Variants in TTLL11 observed in about 807,000 individuals in gnomAD.
TTLL11 encodes tubulin tyrosine ligase like 11.
Under a neutral mutation model 51.7 loss-of-function variants are expected in TTLL11, and 42 were observed. That is an observed-to-expected ratio of 0.81 (90% CI 0.64 to 1.05). The LOEUF (loss-of-function observed/expected upper bound fraction) is 1.05. Among genes scored for constraint, TTLL11 ranks in the 50% least tolerant of loss-of-function variants. The pLI, the probability that TTLL11 is intolerant of heterozygous loss-of-function variation, is 0.00. For synonymous variants in TTLL11, 381 were observed against 383.5 expected, an observed-to-expected ratio of 0.99 and a Z score of 0.08; for missense variants, 799 against 940.4, an observed-to-expected ratio of 0.85 and a Z score of 1.97.
chr9:121,827,053 G>A (rs1051633101), intron 8 of TTLL11, among the ~76,000 whole-genome samples: 1 of 152,218 alleles, frequency 6.6e-6, no homozygotes, highest in Non-Finnish European at 1.5e-5. Context: ...CAAGGCCCGC[G>A]TGATCCGAGT....
intron 6 of TTLL11, among the ~76,000 whole-genome samples, chr9:121,968,108 C>T (rs547935255): frequency 6.6e-6 from 1 of 152,294 alleles, no homozygotes; most frequent in South Asian, 2.1e-4. Flanking sequence ...GAATTGTGCG[C>T]TTTTAAATGG....
intron 1 of TTLL11, among the ~76,000 whole-genome samples, chr9:122,079,479 A>G (rs1029946736): frequency 3.3e-5 from 5 of 152,070 alleles, no homozygotes; most frequent in Non-Finnish European, 7.4e-5. Flanking sequence ...TGGGAGGCTG[A>G]GGTGGGTGGA....
rs1447051422 is a variant in TTLL11, at chr9:121,886,226, C to T, written c.1482-15478G>A. On this transcript the variant is annotated intron_variant, in intron 6 of 8. Coordinates refer to ENST00000321582, the MANE Select transcript of TTLL11 (RefSeq NM_001139442.2). ...TGACTTTGGGGGAACCATTAGGTAA[C>T]AGCTGGAAGGCTGCAGTGGGCTGAA... Among the ~76,000 whole-genome samples, 4 of 152,206 alleles carry T rather than the reference C, an allele frequency of 2.6e-5. No individual in the cohort carries two copies. The East Asian group carries it at 7.7e-4, about 29-fold the overall frequency.
intron 6 of TTLL11, among the ~76,000 whole-genome samples, chr9:121,942,141 C>G (rs1841501167): frequency 6.6e-6 from 1 of 152,214 alleles, no homozygotes. Context: ...CATCATCTAC[C>G]ATTCCTGCTC....
At chr9:122,002,095 A>G (rs72765975) in intron 3 of TTLL11, among the ~76,000 whole-genome samples, 5,942 of 152,276 alleles carry the variant, frequency 0.039, 117 homozygotes, top group African/African-American at 0.059. Flanking sequence ...TTTCATTTCA[A>G]TGGCATCAGG....
chr9:121,841,917 C>T (rs1051014668), intron 8 of TTLL11, among the ~76,000 whole-genome samples: 3 of 152,080 alleles, frequency 2.0e-5, no homozygotes, highest in East Asian at 1.9e-4. Context: ...GAGAACCACT[C>T]GTCTCTCTAG....
intron 6 of TTLL11, among the ~76,000 whole-genome samples, chr9:121,906,609 C>G (rs1839957703): frequency 6.6e-6 from 1 of 151,202 alleles, no homozygotes; most frequent in Admixed American, 6.6e-5. Flanking sequence ...TTTTTTTAAT[C>G]TGCTAGTAAG....
intron 3 of TTLL11, among the ~76,000 whole-genome samples, chr9:122,018,851 G>A (rs1232604613): frequency 6.6e-6 from 1 of 152,206 alleles, no homozygotes; most frequent in Non-Finnish European, 1.5e-5. Context: ...GGCTTAGAAC[G>A]CTAAAGCGGG....
chr9:122,034,248 G>A (rs1443118608), intron 2 of TTLL11, among the ~76,000 whole-genome samples: 1 of 152,222 alleles, frequency 6.6e-6, no homozygotes, highest in Admixed American at 6.5e-5. Context: ...GTACTTGAGG[G>A]CAGTCTGGGT....
chr9:122,027,051 T>C (rs1187317100), intron 3 of TTLL11, among the ~76,000 whole-genome samples: 1 of 152,148 alleles, frequency 6.6e-6, no homozygotes, highest in East Asian at 1.9e-4. Context: ...GGAAGCATGA[T>C]GGTGGCACCT....
chr9:121,904,392 G>T (rs866466595), intron 6 of TTLL11, among the ~76,000 whole-genome samples: 1 of 152,242 alleles, frequency 6.6e-6, no homozygotes, highest in Middle Eastern at 3.4e-3. Flanking sequence ...AGCCAGTATG[G>T]TGTCAATCTC....
At chr9:121,860,926 C>T (rs1387026538) in intron 7 of TTLL11, among the ~76,000 whole-genome samples, 1 of 152,142 alleles carries the variant, frequency 6.6e-6, no homozygotes, top group African/African-American at 2.4e-5. Context: ...CCTCCCTTAC[C>T]ACAGCTGGAA....
At chr9:121,986,767 T>A (rs1352729944) in intron 4 of TTLL11, among the ~76,000 whole-genome samples, 1 of 152,068 alleles carries the variant, frequency 6.6e-6, no homozygotes, top group Non-Finnish European at 1.5e-5. Context: ...CAGCCTCCTC[T>A]TCTGCTGTTG....
In TTLL11 at chr9:121,989,875, T is replaced by C; in HGVS notation, c.694-105A>G. 2.0e-6 allele frequency: 3 copies of C among 1,504,162 alleles called. No homozygotes were observed. Among genetic ancestry groups the C allele is most frequent in the East Asian group, 4.5e-5 (2 of 44,054 alleles). 93.2% of individuals were successfully genotyped at this position (1,504,162 alleles called of 1,614,324 possible). Reference sequence around the variant, plus strand: ...GTGTGGTGAATGAGTGACAAGATGATCCCTGCCGATCTGAGCAGGGGCTGA... The same window carrying C: ...GTGTGGTGAATGAGTGACAAGATGACCCCTGCCGATCTGAGCAGGGGCTGA... On this transcript the variant is annotated intron_variant, in intron 3 of 8. Coordinates refer to ENST00000321582, the MANE Select transcript of TTLL11 (RefSeq NM_001139442.2). The surrounding 1 kb of genome is among the most constrained non-coding windows in gnomAD (Gnocchi z 4.2).
At chr9:122,043,827 T>A (rs1248905925) in intron 1 of TTLL11, among the ~76,000 whole-genome samples, 2 of 152,042 alleles carry the variant, frequency 1.3e-5, no homozygotes, top group East Asian at 3.9e-4. Flanking sequence ...AGATCAATAG[T>A]CAGAATATAT....
intron 8 of TTLL11, among the ~76,000 whole-genome samples, chr9:121,823,885 T>G (rs1836661408): frequency 6.6e-6 from 1 of 152,182 alleles, no homozygotes; most frequent in Non-Finnish European, 1.5e-5. Flanking sequence ...GGACCTGAGC[T>G]CAAAATCACT....
intron 8 of TTLL11, among the ~76,000 whole-genome samples, chr9:121,833,818 T>C (rs1278200371): frequency 6.6e-6 from 1 of 152,224 alleles, no homozygotes; most frequent in Non-Finnish European, 1.5e-5. Context: ...CAGCCAGGGA[T>C]ATTATTCCAG....
intron 3 of TTLL11, among the ~76,000 whole-genome samples, chr9:122,030,202 T>TGGG (rs35688566): frequency 1.2e-3 from 92 of 78,460 alleles, no homozygotes; most frequent in African/African-American, 1.3e-3. Context: ...AGAGAGACAT[T>TGGG]GGGGGGGGGG....
intron 6 of TTLL11, among the ~76,000 whole-genome samples, chr9:121,888,872 A>G (rs1839115906): frequency 6.6e-6 from 1 of 152,246 alleles, no homozygotes; most frequent in South Asian, 2.1e-4. Flanking sequence ...CACAGGTCCA[A>G]TTTAGTCCTG....
Sources: allele counts gnomAD v4.1 joint callset (sites outside exome capture counted in the v4.1 genomes callset), GRCh38; gene constraint gnomAD v4.1.1; non-coding constraint Gnocchi (gnomAD v3.1); transcripts MANE v1.5; gene names NCBI Gene and HGNC (gene_info 2026-07-23, HGNC 2026-07-21).